The following ARHGAP39 variants were observed in gnomAD, a reference collection of about 807,000 sequenced individuals.
The protein encoded by ARHGAP39 is Rho GTPase activating protein 39, also known as rho GTPase-activating protein 39.
A neutral mutation model predicts 106.9 loss-of-function variants in ARHGAP39; 44 were observed. That is an observed-to-expected ratio of 0.41 (90% CI 0.32 to 0.53). The LOEUF (loss-of-function observed/expected upper bound fraction) is 0.53. Among genes scored for constraint, ARHGAP39 ranks in the 20% least tolerant of loss-of-function variants. The pLI is 0.21. For missense variants in ARHGAP39, 1,496 were observed against 1,577.3 expected, an observed-to-expected ratio of 0.95 and a Z score of 0.87; for synonymous variants, 768 against 693.2, an observed-to-expected ratio of 1.11 and a Z score of -1.69.
At chr8:144,667,323 C>T (rs1174387752) in intron 1 of ARHGAP39, among the ~76,000 whole-genome samples, 1 of 152,224 alleles carries the variant, frequency 6.6e-6, no homozygotes, top group Non-Finnish European at 1.5e-5. Flanking sequence ...CCTTCCCCCA[C>T]AAGTGGTTTA....
chr8:144,598,171 A>G (rs1324028185), intron 2 of ARHGAP39, among the ~76,000 whole-genome samples: 1 of 152,038 alleles, frequency 6.6e-6, no homozygotes, highest in African/African-American at 2.4e-5. Context: ...CCCTTTCCGC[A>G]TTGCGTGTAA....
intron 2 of ARHGAP39, among the ~76,000 whole-genome samples, chr8:144,596,924 G>A (rs751484489): frequency 5.3e-5 from 8 of 152,206 alleles, no homozygotes; most frequent in Admixed American, 2.6e-4. Context: ...GGCCCAGGGC[G>A]TGTGTCCAGG....
chr8:144,558,373 A>G (rs111443187), intron 3 of ARHGAP39, among the ~76,000 whole-genome samples: 127 of 152,020 alleles, frequency 8.4e-4, no homozygotes, highest in African/African-American at 2.8e-3. Context: ...GCTCACTGCA[A>G]CCTCCATCTC....
intron 2 of ARHGAP39, among the ~76,000 whole-genome samples, chr8:144,587,140 C>T (rs1234586360): frequency 2.0e-5 from 3 of 152,190 alleles, no homozygotes; most frequent in Non-Finnish European, 4.4e-5. Flanking sequence ...CCTGGGTGCC[C>T]GCAGCCATGC....
At position 144,533,308 on chromosome 8, in the gene ARHGAP39, G is replaced by A. The variant is rs1222107714; in HGVS notation, c.2706C>T (p.Asn902=). The change falls in exon 9 of 12, where the codon AAC becomes AAT. Residue 902 remains asparagine, a synonymous_variant. Coordinates refer to ENST00000377307, the MANE Select transcript of ARHGAP39 (RefSeq NM_025251.3). ...TCTTGGCATGCCGGATCTCCTCCAC[G>A]TTGGGCTTCTTCAGCCCCTGTGAAG... is the stretch of plus-strand genomic sequence containing the variant. The part of the protein sequence containing the change: ...TGAKKGLKKP[N]VEEIRHAKNA... 3.7e-6 allele frequency: 6 copies of A among 1,612,920 alleles called. No individual in the cohort carries two copies. Among genetic ancestry groups the A allele is most frequent in the Admixed American group, 1.7e-5 (1 of 60,020 alleles).
chr8:144,658,602 G>GT (rs1463647353), intron 1 of ARHGAP39, among the ~76,000 whole-genome samples: 3 of 152,040 alleles, frequency 2.0e-5, no homozygotes, highest in Admixed American at 2.0e-4. Flanking sequence ...TCAGGGACCT[G>GT]ATCATCCTTG....
At position 144,545,506 on chromosome 8, in the gene ARHGAP39, C is replaced by T. The variant is rs1241720614; in HGVS notation, c.2264G>A (p.Gly755Asp). The change falls in exon 6 of 12, where the codon GGT (glycine) becomes GAT (aspartate). Residue 755 changes from glycine to aspartate, a missense_variant. Gly to Asp is a moderately conservative substitution (Grantham distance 94). Coordinates refer to ENST00000377307, the MANE Select transcript of ARHGAP39 (RefSeq NM_025251.3). ...TGGGTCGGCCTTGGCCCGCCGGTCA[C>T]CCATGTACATCTGGATCAGCTTGAA... ...ELFKLIQMYM[G>D]DRRAKADPLH... The T allele has an allele frequency of 6.2e-7, 1 of 1,612,348 alleles. No homozygotes were observed. The highest frequency in any genetic ancestry group is 2.2e-5 in the East Asian group (1 of 44,814).
chr8:144,567,802 C>T (rs1428025974), intron 3 of ARHGAP39, among the ~76,000 whole-genome samples: 1 of 152,310 alleles, frequency 6.6e-6, no homozygotes, highest in South Asian at 2.1e-4. Context: ...GGCCCCCTGG[C>T]CAGTGGACAT....
intron 1 of ARHGAP39, among the ~76,000 whole-genome samples, chr8:144,685,219 CGGGCACACTCATACCCACCGTGGACAG>C (rs1000531906): frequency 1.3e-5 from 2 of 150,270 alleles, no homozygotes; most frequent in African/African-American, 4.9e-5. Flanking sequence ...CCCCTCGGGC[CGGGCACACTCATACCCACCGTGGACAG>C]GGGCACACTC....
chr8:144,633,151 G>GT (rs111395699), intron 1 of ARHGAP39, among the ~76,000 whole-genome samples: 21 of 148,400 alleles, frequency 1.4e-4, no homozygotes, highest in African/African-American at 4.8e-4. Context: ...TTTTTTGTTT[G>GT]TTTGTTTGTT....
intron 3 of ARHGAP39, among the ~76,000 whole-genome samples, chr8:144,560,867 G>A (rs1057182995): frequency 6.6e-6 from 1 of 152,210 alleles, no homozygotes; most frequent in Non-Finnish European, 1.5e-5. Flanking sequence ...CTCTCAAGTG[G>A]AGTATTTCAT....
At chr8:144,681,738 TTG>T (rs1159191115) in intron 1 of ARHGAP39, among the ~76,000 whole-genome samples, 6 of 152,216 alleles carry the variant, frequency 3.9e-5, no homozygotes, top group Non-Finnish European at 8.8e-5. Context: ...CTTAGGCTAT[TTG>T]TGTTACCACT....
In ARHGAP39 at chr8:144,547,262, C is replaced by T. The variant is rs1288637655; in HGVS notation, c.1824G>A (p.Ala608=). ...PVVRAFSEDE[A]LAQQENRHWR... ...AGTGCCTGTTCTCCTGCTGGGCCAG[C>T]GCCTCGTCCTCGCTGAAGGCCCGCA... The change falls in exon 5 of 12, where the codon GCG becomes GCA. Residue 608 remains alanine (A), a synonymous_variant. Transcript: ENST00000377307. This position sits in a 1 kb window ranked among gnomAD's most constrained non-coding sequence, Gnocchi z 5.2. The T allele has an allele frequency of 3.1e-6, 5 of 1,612,380 alleles. No homozygotes were observed. In the Admixed American group the frequency reaches 5.0e-5, roughly 16 times the overall value.
intron 1 of ARHGAP39, among the ~76,000 whole-genome samples, chr8:144,680,162 A>G (rs1053668341): frequency 1.3e-5 from 2 of 151,692 alleles, no homozygotes; most frequent in Non-Finnish European, 2.9e-5. Context: ...CTATGTCCCT[A>G]CTCTTCCCTC....
In ARHGAP39 at chr8:144,605,565, G is replaced by A. The variant is rs576331837; in HGVS notation, c.50C>T (p.Pro17Leu). ...YECRSHNVDL[P>L]ESRIPGSNTR... is the part of the protein sequence containing the mutation. ...GTTCGACCCTGGAATCCTCGACTCC[G>A]GCAGGTCGACATTATGGCTCCTGCA... Residue 17 changes from proline (P) to leucine (L), a missense_variant, in exon 2 of 12, where the codon CCG (proline) becomes CTG (leucine). This residue lies in a region of ARHGAP39 where 96 missense variants were observed against 107.9 expected (regional missense o/e 0.89). Transcript: ENST00000377307. The A allele has an allele frequency of 1.1e-5, 18 of 1,613,948 alleles. No homozygotes were observed. Among genetic ancestry groups the A allele is most frequent in the South Asian group, 5.5e-5 (5 of 91,086 alleles).
At chr8:144,530,948 G>A (rs1308881366) in intron 10 of ARHGAP39, 77 bp from the exon 11 acceptor site, 17 of 1,487,556 alleles carry the variant, frequency 1.1e-5, no homozygotes, top group African/African-American at 5.5e-5. Flanking sequence ...TGGCGGACAT[G>A]CATGGAGGGG....
At position 144,644,816 on chromosome 8, in the gene ARHGAP39, A is replaced by G. The variant is rs1342540367; in HGVS notation, c.-81-39121T>C. ...CACTCTGAGTCATTGCAGGCACCAA[A>G]CCCAAGCCCTGTACCTTCACCCTAC... On this transcript the variant is annotated intron_variant, in intron 1 of 11. Transcript: ENST00000377307. This position sits in a 1 kb window ranked among gnomAD's most constrained non-coding sequence, Gnocchi z 4.8. 6.6e-6 allele frequency among the ~76,000 whole-genome samples: 1 copy of G among 152,158 alleles called. No homozygotes were observed. The highest frequency in any genetic ancestry group is 1.5e-5 in the Non-Finnish European group (1 of 68,020).
chr8:144,685,909 G>T (rs547817245), upstream of ARHGAP39, among the ~76,000 whole-genome samples: 3 of 150,074 alleles, frequency 2.0e-5, no homozygotes, highest in Admixed American at 6.6e-5. Flanking sequence ...CCCCCGCGGC[G>T]GTCACTACCC....
upstream of ARHGAP39, among the ~76,000 whole-genome samples, chr8:144,685,865 C>A (rs1227768088): frequency 6.7e-6 from 1 of 148,910 alleles, no homozygotes; most frequent in Non-Finnish European, 1.5e-5. Flanking sequence ...CGCGTCCTCC[C>A]GTCACCAAGC....
Sources: allele counts gnomAD v4.1 joint callset (sites outside exome capture counted in the v4.1 genomes callset), GRCh38; gene constraint gnomAD v4.1.1; regional missense constraint gnomAD v4.1.1; non-coding constraint Gnocchi (gnomAD v3.1); transcripts MANE v1.5; gene names NCBI Gene and HGNC (gene_info 2026-07-23, HGNC 2026-07-21).